The following CTNNA2 variants were observed in gnomAD, a reference collection of about 807,000 sequenced individuals.
The protein encoded by CTNNA2 is catenin alpha-2.
CTNNA2 carries 42 observed loss-of-function variants against 101.0 expected under a neutral mutation model. That is an observed-to-expected ratio of 0.42 (90% CI 0.32 to 0.54). The LOEUF (loss-of-function observed/expected upper bound fraction) is 0.54. Among genes scored for constraint, CTNNA2 ranks in the 20% least tolerant of loss-of-function variants. The pLI is 0.14. For missense variants in CTNNA2, 871 were observed against 1,223.1 expected, an observed-to-expected ratio of 0.71 and a Z score of 4.29; for synonymous variants, 450 against 456.4, an observed-to-expected ratio of 0.99 and a Z score of 0.18.
At chr2:80,324,289 G>A (rs148356675) in intron 7 of CTNNA2, among the ~76,000 whole-genome samples, 144 of 152,242 alleles carry the variant, frequency 9.5e-4, no homozygotes, top group African/African-American at 2.6e-3. Flanking sequence ...CTCGTGGGCC[G>A]CTGCTCGCAG....
At chr2:79,968,950 A>G (rs554739423) in intron 7 of CTNNA2, among the ~76,000 whole-genome samples, 2 of 152,104 alleles carry the variant, frequency 1.3e-5, no homozygotes, top group Non-Finnish European at 2.9e-5. Context: ...GTTGAACATA[A>G]TCACATTTTT....
At chr2:80,392,043 T>C (rs1319287053) in intron 7 of CTNNA2, among the ~76,000 whole-genome samples, 1 of 152,106 alleles carries the variant, frequency 6.6e-6, no homozygotes, top group African/African-American at 2.4e-5. Context: ...CAGAGAAGAG[T>C]GACTACTTTA....
At chr2:79,947,533 A>T (rs921900282) in intron 7 of CTNNA2, among the ~76,000 whole-genome samples, 1 of 152,216 alleles carries the variant, frequency 6.6e-6, no homozygotes, top group African/African-American at 2.4e-5. Context: ...ACCAAAAAAT[A>T]CCTAGGATTT....
chr2:80,165,230 TA>T (rs1165604337), intron 7 of CTNNA2, among the ~76,000 whole-genome samples: 2 of 151,600 alleles, frequency 1.3e-5, no homozygotes, highest in Admixed American at 6.6e-5. Context: ...TTAATTAATT[TA>T]TTTTTTTTTT....
At chr2:79,434,359 G>A (rs1310763748) in intron 4 of CTNNA2, among the ~76,000 whole-genome samples, 1 of 151,118 alleles carries the variant, frequency 6.6e-6, no homozygotes, top group Non-Finnish European at 1.5e-5. Context: ...ATAGTGGATA[G>A]AATGAAAAAG....
At chr2:80,268,032 C>A (rs919925682) in intron 7 of CTNNA2, among the ~76,000 whole-genome samples, 1 of 152,222 alleles carries the variant, frequency 6.6e-6, no homozygotes. Flanking sequence ...CTCTGGTAAA[C>A]AGGAAGTAGG....
intron 4 of CTNNA2, among the ~76,000 whole-genome samples, chr2:79,380,270 T>TG (rs1678024801): frequency 1.3e-5 from 2 of 151,574 alleles, no homozygotes; most frequent in Non-Finnish European, 2.9e-5. Context: ...CTTTTTTTTT[T>TG]TCCGTGACTA....
At chr2:79,199,900 C>T (rs1438192734) in intron 2 of CTNNA2, among the ~76,000 whole-genome samples, 2 of 152,272 alleles carry the variant, frequency 1.3e-5, no homozygotes, top group South Asian at 2.1e-4. Flanking sequence ...TGTACCATAA[C>T]GGAAATCTAA....
intron 7 of CTNNA2, among the ~76,000 whole-genome samples, chr2:80,078,292 C>T (rs1698890551): frequency 6.6e-6 from 1 of 151,998 alleles, no homozygotes; most frequent in African/African-American, 2.4e-5. Flanking sequence ...ACAGGAAGTG[C>T]AGGGGACCAT....
chr2:80,013,564 C>G (rs1238009260), intron 7 of CTNNA2, among the ~76,000 whole-genome samples: 2 of 152,142 alleles, frequency 1.3e-5, no homozygotes, highest in African/African-American at 4.8e-5. Context: ...AATGTAAAAC[C>G]AAAACCTTTT....
intron 3 of CTNNA2, among the ~76,000 whole-genome samples, chr2:79,853,960 G>A (rs1279656268): frequency 1.3e-5 from 2 of 151,988 alleles, no homozygotes; most frequent in Non-Finnish European, 2.9e-5. Flanking sequence ...GAGCCACCGC[G>A]CCCAGCCCAT....
intron 9 of CTNNA2, among the ~76,000 whole-genome samples, chr2:80,484,958 ACTG>A (rs1464479334): frequency 3.3e-5 from 5 of 152,122 alleles, no homozygotes; most frequent in East Asian, 1.9e-4. Context: ...GTGAGCCGAG[ACTG>A]TGCCACTGCA....
chr2:79,676,917 T>G, intron 2 of CTNNA2, among the ~76,000 whole-genome samples: 1 of 152,152 alleles, frequency 6.6e-6, no homozygotes. Flanking sequence ...CTCCACCTTT[T>G]GTGGGAAGTG....
intron 3 of CTNNA2, among the ~76,000 whole-genome samples, chr2:79,767,708 G>A (rs1012896366): frequency 3.9e-5 from 6 of 151,958 alleles, no homozygotes; most frequent in African/African-American, 1.4e-4. Context: ...TTATGGCCTA[G>A]TGTGTGTCTA....
intron 1 of CTNNA2, among the ~76,000 whole-genome samples, chr2:79,621,694 G>A (rs181417105): frequency 1.1e-4 from 17 of 152,228 alleles, no homozygotes; most frequent in South Asian, 4.2e-4. Flanking sequence ...AGCACATTGC[G>A]AGTACCTCTA....
intron 2 of CTNNA2, among the ~76,000 whole-genome samples, chr2:79,703,433 A>C (rs1326960822): frequency 6.6e-6 from 1 of 152,166 alleles, no homozygotes; most frequent in Non-Finnish European, 1.5e-5. Context: ...TCGCTTACCT[A>C]TATGGTAAGT....
In CTNNA2 at chr2:80,647,764, G is replaced by A. The variant is rs1418916198; in HGVS notation, c.2754G>A (p.Lys918=). 4 of 1,613,604 alleles carry A rather than the reference G, an allele frequency of 2.5e-6. No individual in the cohort carries two copies. The highest frequency in any genetic ancestry group is 4.5e-5 in the East Asian group (2 of 44,874). ...CTCCAGAGAAGAAGCCCCTTGTGAA[G>A]AGAGAAAAGCCTGAAGAATTCCAGA... ...MKAPEKKPLV[K]REKPEEFQTR... The change falls in exon 19 of 19, where the codon AAG becomes AAA. Residue 918 remains lysine (K), a synonymous_variant. Transcript: ENST00000402739.
chr2:79,966,671 G>A (rs559440236), intron 7 of CTNNA2, among the ~76,000 whole-genome samples: 39 of 152,298 alleles, frequency 2.6e-4, no homozygotes, highest in African/African-American at 8.7e-4. Context: ...TATTCAGAAT[G>A]ATTGTTGTCC....
intron 7 of CTNNA2, among the ~76,000 whole-genome samples, chr2:79,921,562 C>T (rs1686653968): frequency 6.6e-6 from 1 of 152,216 alleles, no homozygotes. Flanking sequence ...CACTCTCAAA[C>T]ACACCTCATC....
Sources: gnomAD v4.1 joint callset for allele counts (sites outside exome capture counted in the v4.1 genomes callset) on GRCh38, gnomAD v4.1.1 for gene constraint, MANE v1.5 for transcripts, NCBI Gene and HGNC (gene_info 2026-07-23, HGNC 2026-07-21) for gene names.